SEMA3E: variants seen among roughly 807,000 people sequenced by gnomAD.
The protein encoded by SEMA3E is semaphorin-3E.
SEMA3E carries 49 observed loss-of-function variants against 93.6 expected under a neutral mutation model. The observed-to-expected ratio is 0.52, with a 90% CI of 0.42 to 0.66. The LOEUF is 0.66. SEMA3E is among the 30% of genes least tolerant of loss of function. SEMA3E has a pLI of 0.00. For missense variants in SEMA3E, 906 were observed against 964.8 expected, an observed-to-expected ratio of 0.94 and a Z score of 0.81; for synonymous variants, 363 against 330.7, an observed-to-expected ratio of 1.10 and a Z score of -1.06.
At chr7:83,372,532 G>T in intron 16 of SEMA3E, 2 of 303,174 alleles carry the variant, frequency 6.6e-6, no homozygotes, top group East Asian at 5.1e-5. Flanking sequence ...TTCAAGTTTG[G>T]TAAGTTAAAA....
chr7:83,404,712 T>G (rs1169455442), intron 9 of SEMA3E, among the ~76,000 whole-genome samples: 2 of 151,942 alleles, frequency 1.3e-5, no homozygotes, highest in African/African-American at 2.4e-5. Flanking sequence ...GCAGCAAATT[T>G]AAAAGATAGA....
Position 83,366,032 on chromosome 7 carries a change from G to A in SEMA3E, c.*1554C>T, listed in dbSNP as rs918745915. 3 of 152,188 alleles carry A rather than the reference G, an allele frequency of 2.0e-5. No individual in the cohort carries two copies. The East Asian group carries it at 5.8e-4, about 29-fold the overall frequency. 9.4% of individuals were successfully genotyped at this position (152,188 alleles called of 1,614,324 possible). On this transcript the variant is annotated 3_prime_UTR_variant, in exon 17 of 17. Transcript: ENST00000643230. ...ATTTGCATTTCTTAGATCTTTTGAA[G>A]CATGGTGACTTATCTGAATAAACTT...
At chr7:83,534,146 G>A (rs1791361565) in intron 1 of SEMA3E, among the ~76,000 whole-genome samples, 1 of 152,182 alleles carries the variant, frequency 6.6e-6, no homozygotes, top group Non-Finnish European at 1.5e-5. Context: ...ACATATATGT[G>A]TAATATAAAT....
In SEMA3E at chr7:83,490,268, A is replaced by G. The variant is rs778519947; in HGVS notation, c.122T>C (p.Leu41Ser). The change falls in exon 2 of 17, where the codon TTG becomes TCG. Residue 41 changes from leucine (L) to serine (S), a missense_variant. By Grantham distance (145) the Leu-to-Ser change is moderately radical. Coordinates refer to ENST00000643230, the MANE Select transcript of SEMA3E (RefSeq NM_012431.3). ...AAATATTGATGTTCTGTTCAGATTC[A>G]AGAGCTCTGAAATGCAAAGTGATAC... Reference protein sequence around the residue: ...PRLRLSHKELLNLNRTSIFHS... With the variant: ...PRLRLSHKELSNLNRTSIFHS... 9.9e-6 allele frequency: 16 copies of G among 1,611,786 alleles called. No homozygotes were observed. Among genetic ancestry groups the G allele is most frequent in the Non-Finnish European group, 1.4e-5 (16 of 1,179,162 alleles).
chr7:83,488,366 CAGG>C (rs1488766636), intron 2 of SEMA3E, among the ~76,000 whole-genome samples: 1 of 151,998 alleles, frequency 6.6e-6, no homozygotes, highest in Admixed American at 6.6e-5. Flanking sequence ...CTAAGAGAAA[CAGG>C]AGAAGGTTTT....
intron 1 of SEMA3E, among the ~76,000 whole-genome samples, chr7:83,504,230 CTG>C (rs898324118): frequency 2.6e-4 from 39 of 152,246 alleles, no homozygotes; most frequent in African/African-American, 8.4e-4. Flanking sequence ...AGAATAATAA[CTG>C]AATTTCAAAT....
chr7:83,383,289 TAAGA>T (rs1329154403), intron 16 of SEMA3E, among the ~76,000 whole-genome samples: 1 of 149,362 alleles, frequency 6.7e-6, no homozygotes, highest in Admixed American at 6.7e-5. Flanking sequence ...AAAGATTTGA[TAAGA>T]AAGTGATTTC....
At chr7:83,529,339 A>G (rs1310902871) in intron 1 of SEMA3E, among the ~76,000 whole-genome samples, 1 of 152,082 alleles carries the variant, frequency 6.6e-6, no homozygotes. Flanking sequence ...AGAGTGACTG[A>G]TTCATGAAGA....
At chr7:83,564,697 A>C (rs1792105321) in intron 1 of SEMA3E, among the ~76,000 whole-genome samples, 4 of 152,142 alleles carry the variant, frequency 2.6e-5, no homozygotes, top group Admixed American at 2.6e-4. Flanking sequence ...TAACTTCTAT[A>C]ACTTTAACAC....
chr7:83,543,349 C>T (rs1292116351), intron 1 of SEMA3E, among the ~76,000 whole-genome samples: 1 of 146,514 alleles, frequency 6.8e-6, no homozygotes, highest in Non-Finnish European at 1.5e-5. Context: ...TAAAATAAAA[C>T]TGAATGAACT....
chr7:83,567,871 C>T (rs1422627778), intron 1 of SEMA3E, among the ~76,000 whole-genome samples: 1 of 151,486 alleles, frequency 6.6e-6, no homozygotes, highest in Admixed American at 6.6e-5. Context: ...TTAAACCAAA[C>T]CTCAAATTAG....
chr7:83,495,799 G>A (rs1009976610), intron 1 of SEMA3E, among the ~76,000 whole-genome samples: 6 of 151,818 alleles, frequency 4.0e-5, no homozygotes, highest in African/African-American at 1.5e-4. Flanking sequence ...ACAATAACTA[G>A]TGAAAATAAG....
chr7:83,608,795 T>A (rs1793183268), intron 1 of SEMA3E, among the ~76,000 whole-genome samples: 1 of 152,098 alleles, frequency 6.6e-6, no homozygotes. Flanking sequence ...TCATTAGATT[T>A]TCAACTGGTA....
chr7:83,541,658 TAGA>T (rs1364759385), intron 1 of SEMA3E, among the ~76,000 whole-genome samples: 2 of 152,066 alleles, frequency 1.3e-5, no homozygotes, highest in African/African-American at 2.4e-5. Context: ...TTTAAGCAGA[TAGA>T]AGAACTTTGG....
At chr7:83,611,976 C>A (rs1793275756) in intron 1 of SEMA3E, among the ~76,000 whole-genome samples, 1 of 152,118 alleles carries the variant, frequency 6.6e-6, no homozygotes, top group African/African-American at 2.4e-5. Context: ...CTCCCACTGT[C>A]CTCCCTGCTC....
chr7:83,553,997 T>A (rs215258), intron 1 of SEMA3E, among the ~76,000 whole-genome samples: 62,606 of 151,934 alleles, frequency 0.41, 13,608 homozygotes, highest in African/African-American at 0.55. Flanking sequence ...TTTTAAAAAA[T>A]TTGCTGAATT....
intron 1 of SEMA3E, among the ~76,000 whole-genome samples, chr7:83,609,195 A>G (rs1489712144): frequency 1.3e-5 from 2 of 152,044 alleles, no homozygotes; most frequent in African/African-American, 4.8e-5. Flanking sequence ...GTACAAAAAA[A>G]GGTTATGTTG....
intron 4 of SEMA3E, among the ~76,000 whole-genome samples, chr7:83,450,779 T>G (rs544425472): frequency 1.1e-4 from 16 of 152,310 alleles, no homozygotes; most frequent in African/African-American, 3.8e-4. Context: ...CGAATGTCTC[T>G]GCTGTTTCTG....
At chr7:83,407,017 G>A in intron 7 of SEMA3E, 80 bp downstream of exon 7, 1 of 1,538,626 alleles carries the variant, frequency 6.5e-7, no homozygotes, top group Non-Finnish European at 8.9e-7. Flanking sequence ...ATATTTAAAA[G>A]TAGAAACTTA....
Sources: allele counts gnomAD v4.1 joint callset (sites outside exome capture counted in the v4.1 genomes callset), GRCh38; gene constraint gnomAD v4.1.1; transcripts MANE v1.5; gene names NCBI Gene and HGNC (gene_info 2026-07-23, HGNC 2026-07-21).